Variants in EIF6 observed in about 807,000 individuals in gnomAD.
The protein encoded by EIF6 is eukaryotic translation initiation factor 6, also known as B4 integrin interactor.
EIF6 carries 10 observed loss-of-function variants against 25.5 expected under a neutral mutation model. That is an observed-to-expected ratio of 0.39 (90% CI 0.24 to 0.66). The LOEUF is 0.66. Among genes scored for constraint, EIF6 ranks in the 30% least tolerant of loss-of-function variants. EIF6 has a pLI of 0.45. For missense variants in EIF6, 246 were observed against 315.4 expected (o/e 0.78, Z 1.67); for synonymous variants, 122 against 122.6 (o/e 1.00, Z 0.03).
At chr20:35,279,333 C>T in intron 6 of EIF6, 127 bp from the exon 7 acceptor site, 4 of 1,350,624 alleles carry the variant, frequency 3.0e-6, no homozygotes, top group Non-Finnish European at 4.2e-6. Context: ...AGCTACTGCT[C>T]TAGTATCCTA....
chr20:35,283,288 A>T (rs1218097137), intron 3 of EIF6, among the ~76,000 whole-genome samples: 2 of 140,222 alleles, frequency 1.4e-5, no homozygotes, highest in African/African-American at 5.4e-5. Context: ...ACTCCATCTC[A>T]AAAAAAAATA....
At position 35,279,699 on chromosome 20, in the gene EIF6, C is replaced by T; in HGVS notation, c.595G>A (p.Val199Met). ...GSEVIAAGMV[V>M]NDWCAFCGLD... ...CCACAGAAGGCACACCAGTCATTCA[C>T]CACCATCCCAGCAGCAATCACCTCA... The change falls in exon 6 of 7, where the codon GTG becomes ATG. Residue 199 changes from valine to methionine, a missense_variant. Transcript: ENST00000374450. 6.2e-7 allele frequency: 1 copy of T among 1,614,194 alleles called. No homozygotes were observed. Among genetic ancestry groups the T allele is most frequent in the East Asian group, 2.2e-5 (1 of 44,880 alleles).
chr20:35,281,041 T>G (rs1029631171), intron 3 of EIF6, among the ~76,000 whole-genome samples: 3 of 152,010 alleles, frequency 2.0e-5, no homozygotes, highest in Non-Finnish European at 4.4e-5. Context: ...CATCACCAAC[T>G]GGGAGGGAAG....
intron 5 of EIF6, 75 bp from the exon 6 acceptor site, chr20:35,279,822 C>G: frequency 6.3e-7 from 1 of 1,596,246 alleles, no homozygotes; most frequent in Non-Finnish European, 8.6e-7. Flanking sequence ...TCCCCAAACC[C>G]TGCTCCTCCC....
intron 3 of EIF6, among the ~76,000 whole-genome samples, chr20:35,281,317 C>T (rs2060773373): frequency 1.3e-5 from 2 of 150,532 alleles, no homozygotes; most frequent in Admixed American, 1.3e-4. Context: ...ACCCGGGAGG[C>T]GGAGCTTGCA....
chr20:35,279,776 A>T, intron 5 of EIF6, 29 bp from the exon 6 acceptor site: 1 of 1,611,720 alleles, frequency 6.2e-7, no homozygotes, highest in Non-Finnish European at 8.5e-7. Context: ...AATGTGAGTC[A>T]CGGCACCAAA....
At chr20:35,282,085 T>C (rs2060780286) in intron 3 of EIF6, among the ~76,000 whole-genome samples, 1 of 151,328 alleles carries the variant, frequency 6.6e-6, no homozygotes, top group African/African-American at 2.4e-5. Flanking sequence ...ACCTCCCCGG[T>C]TCACACCATT....
At chr20:35,283,328 G>A (rs1000739399) in intron 3 of EIF6, among the ~76,000 whole-genome samples, 4 of 151,934 alleles carry the variant, frequency 2.6e-5, no homozygotes, top group African/African-American at 7.3e-5. Context: ...AAGGACCAAC[G>A]ACCAGAATTA....
chr20:35,279,485 T>G, intron 6 of EIF6, 81 bp downstream of exon 6: 2 of 1,562,692 alleles, frequency 1.3e-6, no homozygotes, highest in Non-Finnish European at 8.7e-7. Context: ...GCTCCCATTC[T>G]AGATGACATC....
intron 5 of EIF6, 56 bp downstream of exon 5, chr20:35,279,886 C>G (rs1276758683): frequency 1.9e-6 from 3 of 1,595,336 alleles, no homozygotes; most frequent in Non-Finnish European, 2.6e-6. Context: ...GACTCCCAAA[C>G]ACTAGGCAAA....
intron 3 of EIF6, among the ~76,000 whole-genome samples, chr20:35,281,102 C>T (rs1246843222): frequency 6.6e-6 from 1 of 152,134 alleles, no homozygotes; most frequent in East Asian, 1.9e-4. Flanking sequence ...ACTGAGCTGC[C>T]GGGCGTGTTG....
chr20:35,282,710 A>G (rs1004327689), intron 3 of EIF6, among the ~76,000 whole-genome samples: 1 of 151,008 alleles, frequency 6.6e-6, no homozygotes, highest in Non-Finnish European at 1.5e-5. Flanking sequence ...CCAGGGTTCA[A>G]GCAATTCTCC....
intron 3 of EIF6, 147 bp from the exon 4 acceptor site, chr20:35,280,976 A>C: frequency 1.1e-6 from 1 of 927,534 alleles, no homozygotes; most frequent in African/African-American, 1.7e-5. Context: ...TCTGGAAAAC[A>C]CCCAGGGCAG....
chr20:35,284,514 G>A (rs2060808183), intron 1 of EIF6, 22 bp from the exon 2 acceptor site: 5 of 1,575,872 alleles, frequency 3.2e-6, no homozygotes. Context: ...GGAGGCGGGA[G>A]TTCAAGGCCG....
intron 4 of EIF6, 115 bp downstream of exon 4, chr20:35,280,539 C>T: frequency 1.6e-6 from 2 of 1,250,032 alleles, no homozygotes; most frequent in Non-Finnish European, 2.2e-6. Flanking sequence ...AACTCAAGAG[C>T]CCATATAGAA....
chr20:35,284,313 C>T, intron 2 of EIF6, 52 bp from the exon 3 acceptor site: 1 of 1,613,920 alleles, frequency 6.2e-7, no homozygotes. Context: ...GGCACCCTCC[C>T]ACTGCCGGAG....
At chr20:35,284,013 G>A (rs113084671) in intron 3 of EIF6, among the ~76,000 whole-genome samples, 163 bp downstream of exon 3, 3 of 152,190 alleles carry the variant, frequency 2.0e-5, no homozygotes, top group African/African-American at 7.2e-5. Context: ...CTTTGCTAGA[G>A]GGTTGCCCCG....
chr20:35,279,506 A>G, intron 6 of EIF6, 60 bp downstream of exon 6: 1 of 1,588,704 alleles, frequency 6.3e-7, no homozygotes, highest in Non-Finnish European at 8.6e-7. Flanking sequence ...TTTTCCCCAT[A>G]CTCTCAAAAT....
chr20:35,280,217 C>T, intron 4 of EIF6, 99 bp from the exon 5 acceptor site: 2 of 1,262,200 alleles, frequency 1.6e-6, no homozygotes, highest in African/African-American at 1.5e-5. Context: ...TCCCTGAGCC[C>T]CTCATTTCTC....
Sources: allele counts gnomAD v4.1 joint callset (sites outside exome capture counted in the v4.1 genomes callset), GRCh38; gene constraint gnomAD v4.1.1; transcripts MANE v1.5; gene names NCBI Gene and HGNC (gene_info 2026-07-23, HGNC 2026-07-21).